The following TNC variants were observed in gnomAD, a reference collection of about 807,000 sequenced individuals.
TNC encodes tenascin C.
TNC carries 109 observed loss-of-function variants against 202.4 expected under a neutral mutation model. The observed-to-expected ratio is 0.54, with a 90% CI of 0.46 to 0.63. TNC has a LOEUF of 0.63. TNC is among the 30% of genes least tolerant of loss of function. The pLI is 0.00. For missense variants in TNC, 2,756 were observed against 2,833.3 expected (o/e 0.97, Z 0.62); for synonymous variants, 1,007 against 1,089.7 (o/e 0.92, Z 1.50).
At chr9:115,023,416 T>G (rs972752137) in intron 27 of TNC, among the ~76,000 whole-genome samples, 8 of 152,186 alleles carry the variant, frequency 5.3e-5, no homozygotes, top group African/African-American at 1.9e-4. Flanking sequence ...AAAATCTGTT[T>G]CTGTGATTGT....
rs1831393673 is a variant in TNC at position 115,048,563 on chromosome 9, G to T, written c.4580-31C>A. On this transcript the variant is annotated intron_variant, in intron 15 of 27. Coordinates refer to ENST00000350763, the MANE Select transcript of TNC (RefSeq NM_002160.4). ...AGAAGGGAGGAGTGAAAATAACTCAGGTTAGCAGCACTGACTCTGTCAGGA... is the reference window on the plus strand; with the variant it reads ...AGAAGGGAGGAGTGAAAATAACTCATGTTAGCAGCACTGACTCTGTCAGGA... The T allele has an allele frequency of 6.9e-6, 11 of 1,594,220 alleles. No individual in the cohort carries two copies. In the South Asian group the frequency reaches 1.2e-4, roughly 18 times the overall value.
chr9:115,114,687 T>G (rs1430079264), intron 1 of TNC, among the ~76,000 whole-genome samples: 1 of 152,218 alleles, frequency 6.6e-6, no homozygotes, highest in Non-Finnish European at 1.5e-5. Context: ...CTAAACTTGG[T>G]CAGCACAGCC....
intron 27 of TNC, among the ~76,000 whole-genome samples, chr9:115,021,833 T>C (rs1030316986): frequency 6.6e-6 from 1 of 152,200 alleles, no homozygotes; most frequent in African/African-American, 2.4e-5. Context: ...AGCCTCGGTT[T>C]TACTATTTTT....
At chr9:115,093,687 A>G (rs1050638077) in intron 1 of TNC, among the ~76,000 whole-genome samples, 12 of 149,582 alleles carry the variant, frequency 8.0e-5, no homozygotes, top group Admixed American at 4.0e-4. Flanking sequence ...TCTCCCCAAC[A>G]CTTTTCTGTG....
chr9:115,042,707 A>G (rs1215607202), intron 17 of TNC, among the ~76,000 whole-genome samples: 2 of 152,302 alleles, frequency 1.3e-5, no homozygotes, highest in East Asian at 3.9e-4. Flanking sequence ...CTTTTATTAA[A>G]TAATACTAAG....
intron 2 of TNC, among the ~76,000 whole-genome samples, chr9:115,087,530 G>GTGTGTT (rs1564125284): frequency 3.3e-4 from 2 of 6,152 alleles, no homozygotes; most frequent in Admixed American, 2.8e-3. Context: ...GCATAGGGGT[G>GTGTGTT]TGTGTGTGTG....
chr9:115,020,351 C>T lies in TNC; in HGVS notation c.*806G>A, dbSNP rs993052950. On this transcript the variant is annotated 3_prime_UTR_variant, in exon 28 of 28. Transcript: ENST00000350763. ...TACAGGCCTGGCCTGTAAGCTTTTC[C>T]CAAGTGTGTTCAACTTTATTTAAAA... is the stretch of plus-strand genomic sequence containing the variant. The T allele has an allele frequency of 6.3e-6, 1 of 159,810 alleles. No individual in the cohort carries two copies. The highest frequency in any genetic ancestry group is 2.4e-5 in the African/African-American group (1 of 41,382). The allele number at this position is 159,810 out of a possible 1,614,324, so 9.9% of individuals were successfully genotyped here.
chr9:115,057,310 A>C lies in TNC; in HGVS notation c.4422T>G (p.Asp1474Glu). The change falls in exon 15 of 28, where the codon GAT becomes GAG. Residue 1474 changes from aspartate (D) to glutamate (E), a missense_variant. By Grantham distance (45) the Asp-to-Glu change is conservative (BLOSUM62 2). This residue lies in a region of TNC where 2,559 missense variants were observed against 2,546.0 expected (regional missense o/e 1.01). Coordinates refer to ENST00000350763, the MANE Select transcript of TNC (RefSeq NM_002160.4). ...CCACAGTCTCCAGCAACCTATTGGA[A>C]TCAATAATTTCAATGGTAAAGGTCT... ...IFETFTIEII[D>E]SNRLLETVEY... 1 of 1,614,184 alleles carries C rather than the reference A, an allele frequency of 6.2e-7. No individual in the cohort carries two copies. The highest frequency in any genetic ancestry group is 8.5e-7 in the Non-Finnish European group (1 of 1,180,036).
chr9:115,057,945 G>C (rs1438479578), intron 14 of TNC, among the ~76,000 whole-genome samples: 1 of 152,162 alleles, frequency 6.6e-6, no homozygotes, highest in Non-Finnish European at 1.5e-5. Context: ...GTAACTTGAG[G>C]CTTCTGATTT....
At chr9:115,041,259 T>C (rs1004026439) in intron 18 of TNC, among the ~76,000 whole-genome samples, 175 bp from the exon 19 acceptor site, 5 of 150,310 alleles carry the variant, frequency 3.3e-5, no homozygotes, top group African/African-American at 1.2e-4. Flanking sequence ...GGCTTACTTT[T>C]TGTATGCTTT....
At chr9:115,032,798 A>G (rs900751775) in intron 22 of TNC, among the ~76,000 whole-genome samples, 2 of 152,156 alleles carry the variant, frequency 1.3e-5, no homozygotes, top group Admixed American at 6.5e-5. Flanking sequence ...CTCTAACTAC[A>G]CTTGTAGTCT....
chr9:115,096,939 C>T (rs2133917473), intron 1 of TNC, among the ~76,000 whole-genome samples: 1 of 152,290 alleles, frequency 6.6e-6, no homozygotes, highest in Non-Finnish European at 1.5e-5. Flanking sequence ...CCACTCTGGC[C>T]AAGTCTAATG....
At chr9:115,029,549 G>T in intron 24 of TNC, 93 bp from the exon 25 acceptor site, 2 of 1,246,860 alleles carry the variant, frequency 1.6e-6, no homozygotes, top group Non-Finnish European at 2.3e-6. Context: ...TGTGGAGAGA[G>T]CATCAGGCTC....
intron 15 of TNC, among the ~76,000 whole-genome samples, chr9:115,056,208 T>C (rs1832106238): frequency 6.6e-6 from 1 of 152,102 alleles, no homozygotes; most frequent in Admixed American, 6.6e-5. Context: ...ACAATATTTT[T>C]TTTTCTAGTT....
chr9:115,021,808 T>C (rs189912146), intron 27 of TNC, among the ~76,000 whole-genome samples: 64 of 152,340 alleles, frequency 4.2e-4, no homozygotes, highest in Non-Finnish European at 5.9e-5. Context: ...AGTCTTAAGT[T>C]CTCAATATCT....
Position 115,081,838 on chromosome 9 carries a change from C to G in TNC, c.2338G>C (p.Glu780Gln), listed in dbSNP as rs749874958. ...QTGLAPGQEY[E>Q]ISLHIVKNNT... is the part of the protein sequence containing the mutation. ...TTTTTCACTATGTGCAGAGATATCT[C>G]ATACTCTTGCCCAGGAGCTAGACCA... Residue 780 changes from glutamate (E) to glutamine (Q), a missense_variant, in exon 6 of 28, where the codon GAG (glutamate) becomes CAG (glutamine). Transcript: ENST00000350763. The G allele has an allele frequency of 1.9e-6, 3 of 1,609,770 alleles. No individual in the cohort carries two copies. In the Admixed American group the frequency reaches 5.1e-5, roughly 27 times the overall value.
intron 24 of TNC, 88 bp from the exon 25 acceptor site, chr9:115,029,544 A>T (rs893664186): frequency 7.8e-7 from 1 of 1,277,406 alleles, no homozygotes; most frequent in Non-Finnish European, 1.1e-6. Flanking sequence ...GGCACTGTGG[A>T]GAGAGCATCA....
intron 10 of TNC, among the ~76,000 whole-genome samples, chr9:115,066,077 C>T (rs1459285529): frequency 3.3e-5 from 5 of 151,960 alleles, no homozygotes; most frequent in Admixed American, 3.3e-4. Flanking sequence ...TAAGGCTGAG[C>T]TAAGGAAGGT....
At chr9:115,057,082 G>T in intron 15 of TNC, 71 bp downstream of exon 15, 1 of 1,519,632 alleles carries the variant, frequency 6.6e-7, no homozygotes. Context: ...TGGGAGAGGA[G>T]AAGGAGAGGC....
Sources: gnomAD v4.1 joint callset for allele counts (sites outside exome capture counted in the v4.1 genomes callset) on GRCh38, gnomAD v4.1.1 for gene constraint, gnomAD v4.1.1 regional missense constraint, MANE v1.5 for transcripts, NCBI Gene and HGNC (gene_info 2026-07-23, HGNC 2026-07-21) for gene names.